The following NDE1 variants were observed in gnomAD, a reference collection of about 807,000 sequenced individuals.
The protein encoded by NDE1 is nudE neurodevelopment protein 1.
NDE1 carries 28 observed loss-of-function variants against 43.4 expected under a neutral mutation model. That is an observed-to-expected ratio of 0.65 (90% confidence interval 0.48 to 0.89). The LOEUF is 0.89. Ranked by LOEUF, NDE1 falls within the 40% of genes least tolerant of loss-of-function variation. NDE1 has a pLI of 0.00. For synonymous variants in NDE1, 184 were observed against 172.0 expected, an observed-to-expected ratio of 1.07 and a Z score of -0.55; for missense variants, 441 against 434.1, an observed-to-expected ratio of 1.02 and a Z score of -0.14.
At chr16:15,677,749 A>G in intron 3 of NDE1, 52 bp from the exon 4 acceptor site, 1 of 1,608,390 alleles carries the variant, frequency 6.2e-7, no homozygotes, top group East Asian at 2.2e-5. Context: ...TACTGTGTCT[A>G]GCCTTCTCAG....
intron 8 of NDE1, among the ~76,000 whole-genome samples, chr16:15,711,740 T>TGAA (rs1288658059): frequency 6.6e-6 from 1 of 152,100 alleles, no homozygotes; most frequent in Non-Finnish European, 1.5e-5. Context: ...TCACCCAGGC[T>TGAA]GAAGTGCAGT....
At chr16:15,651,459 T>G (rs1181109749) in intron 1 of NDE1, 5 of 151,680 alleles carry the variant, frequency 3.3e-5, no homozygotes, top group Non-Finnish European at 7.4e-5. Context: ...TGTTTTTGTT[T>G]TTGAGACAGA....
Position 15,659,482 on chromosome 16 carries a change from G to A in NDE1, c.-43-5254G>A, listed in dbSNP as rs570316938. ...GAGGAAGTCTCACTCTGTCACCCAGGCTGGAGTGCAGTGGTGCGATCTCGG... is the reference window on the plus strand; with the variant it reads ...GAGGAAGTCTCACTCTGTCACCCAGACTGGAGTGCAGTGGTGCGATCTCGG... On this transcript the variant is annotated intron_variant, in intron 1 of 8. Coordinates refer to ENST00000396354, the MANE Select transcript of NDE1 (RefSeq NM_017668.3). 1.4e-4 allele frequency among the ~76,000 whole-genome samples: 19 copies of A among 131,582 alleles called. No individual in the cohort carries two copies. In the South Asian group the frequency reaches 3.4e-3, roughly 23 times the overall value. The allele number at this position is 131,582 out of a possible 152,430, so 86.3% of individuals were successfully genotyped here. A position where few individuals can be genotyped will look rare whatever the true frequency, so the allele number is the denominator to read the frequency against.
intron 8 of NDE1, chr16:15,713,194 G>T (rs1450861839): frequency 6.6e-6 from 1 of 152,054 alleles, no homozygotes; most frequent in Non-Finnish European, 1.5e-5. Context: ...GAACAAGAGG[G>T]TCGGGTCCAA....
At chr16:15,666,683 C>T (rs2037325367) in intron 2 of NDE1, among the ~76,000 whole-genome samples, 1 of 152,304 alleles carries the variant, frequency 6.6e-6, no homozygotes, top group Admixed American at 6.5e-5. Flanking sequence ...TGGCTCTTCA[C>T]AAGTGTGACC....
chr16:15,718,025 TGAA>T (rs1342283981), intron 8 of NDE1: 32 of 509,366 alleles, frequency 6.3e-5, no homozygotes, highest in Middle Eastern at 1.1e-3. Flanking sequence ...GAAAACGCAA[TGAA>T]AGAGCATCCC....
At chr16:15,710,531 TAAAA>T (rs773294124) in intron 8 of NDE1, among the ~76,000 whole-genome samples, 5 of 151,232 alleles carry the variant, frequency 3.3e-5, no homozygotes, top group Admixed American at 2.0e-4. Flanking sequence ...AAATAAATAA[TAAAA>T]AGAAAAGAAA....
At chr16:15,712,846 G>C (rs2039881737) in intron 8 of NDE1, 2 of 146,826 alleles carry the variant, frequency 1.4e-5, no homozygotes, top group Admixed American at 1.4e-4. Context: ...AGAGTGATGG[G>C]TGGGGGCGAG....
At chr16:15,711,298 T>C (rs1200038764) in intron 8 of NDE1, 3 of 152,202 alleles carry the variant, frequency 2.0e-5, no homozygotes, top group Non-Finnish European at 2.9e-5. Flanking sequence ...AGTCATTTCC[T>C]TTCCAACTCT....
chr16:15,673,900 G>T (rs1439839727), intron 3 of NDE1, among the ~76,000 whole-genome samples: 1 of 152,112 alleles, frequency 6.6e-6, no homozygotes, highest in Non-Finnish European at 1.5e-5. Flanking sequence ...GATGGTTTAG[G>T]GCTGGTTAGC....
chr16:15,712,641 G>A (rs991133564), intron 8 of NDE1, among the ~76,000 whole-genome samples: 4 of 152,110 alleles, frequency 2.6e-5, no homozygotes, highest in African/African-American at 7.2e-5. Context: ...TGGCAAGCAG[G>A]TTTCGAGGTG....
At chr16:15,690,402 G>A (rs71376088) in intron 5 of NDE1, among the ~76,000 whole-genome samples, 1 of 107,488 alleles carries the variant, frequency 9.3e-6, no homozygotes, top group African/African-American at 3.6e-5. Context: ...TCTCACTCTC[G>A]CCCAGGCTGA....
Position 15,720,883 on chromosome 16 carries a change from G to A in NDE1, c.948-3308G>A, listed in dbSNP as rs777170587. 67 of 1,613,792 alleles carry A rather than the reference G, an allele frequency of 4.2e-5. No individual in the cohort carries two copies. Among genetic ancestry groups the A allele is most frequent in the Admixed American group, 1.5e-4 (9 of 59,964 alleles). On this transcript the variant is annotated intron_variant, in intron 8 of 8. Coordinates refer to ENST00000396354, the MANE Select transcript of NDE1 (RefSeq NM_017668.3). ...CTCTTCTCCTCATTCTGCTCGTCCC[G>A]GGCTTGGAGATCCCTTTCGAACTGG...
rs770270528 is a variant in NDE1, at chr16:15,691,305, C to T, written c.685C>T (p.Pro229Ser). Residue 229 changes from proline (P) to serine (S), a missense_variant, in exon 6 of 9, where the codon CCT (proline) becomes TCT (serine). Coordinates refer to ENST00000396354, the MANE Select transcript of NDE1 (RefSeq NM_017668.3). The stretch of plus-strand genomic sequence containing the variant: ...AGGACCCAGCTCAAGTTTAAACACA[C>T]CTGGGAGCTTCAGACGTGGTAAGGG... The part of the protein sequence containing the change: ...HRGPSSSLNT[P>S]GSFRRGLDDS... The T allele has an allele frequency of 1.2e-5, 20 of 1,613,986 alleles. No individual in the cohort carries two copies. In the South Asian group the frequency reaches 1.9e-4, roughly 15 times the overall value.
chr16:15,677,271 G>A (rs1051857650), intron 3 of NDE1, among the ~76,000 whole-genome samples: 2 of 152,008 alleles, frequency 1.3e-5, no homozygotes, highest in Non-Finnish European at 2.9e-5. Context: ...GAGTGTGGTG[G>A]GAGGAGTAGT....
At chr16:15,718,610 C>G (rs962692522) in intron 8 of NDE1, 2 of 1,034,322 alleles carry the variant, frequency 1.9e-6, no homozygotes, top group Non-Finnish European at 2.7e-6. Context: ...AGTGGACAGC[C>G]GGGACTCAGG....
At chr16:15,711,528 T>C (rs943359076) in intron 8 of NDE1, among the ~76,000 whole-genome samples, 1 of 152,204 alleles carries the variant, frequency 6.6e-6, no homozygotes, top group African/African-American at 2.4e-5. Context: ...GGTATGTTTA[T>C]TTGCCGTTAT....
At chr16:15,695,423 G>A in intron 7 of NDE1, 1 of 880,418 alleles carries the variant, frequency 1.1e-6, no homozygotes, top group East Asian at 1.2e-4. Context: ...CAGGAAAATT[G>A]TTTGAATCCG....
At chr16:15,655,605 TTGACCCAGCCATCGCATTACTGGGTA>T (rs1467949726) in intron 1 of NDE1, among the ~76,000 whole-genome samples, 7 of 152,162 alleles carry the variant, frequency 4.6e-5, no homozygotes, top group African/African-American at 1.7e-4. Context: ...GAAATACCAT[TTGACCCAGCCATCGCATTACTGGGTA>T]TATACCCAAA....
Sources: allele counts gnomAD v4.1 joint callset (sites outside exome capture counted in the v4.1 genomes callset), GRCh38; gene constraint gnomAD v4.1.1; transcripts MANE v1.5; gene names NCBI Gene and HGNC (gene_info 2026-07-23, HGNC 2026-07-21).